PTPN2: variants seen among roughly 807,000 people sequenced by gnomAD.
PTPN2 encodes tyrosine-protein phosphatase non-receptor type 2.
PTPN2 carries 19 observed loss-of-function variants against 57.3 expected under a neutral mutation model. That is an observed-to-expected ratio of 0.33 (90% CI 0.23 to 0.49). The LOEUF (loss-of-function observed/expected upper bound fraction) is 0.49, where lower values mean the gene tolerates loss of function less well. PTPN2 is among the 20% of genes least tolerant of loss of function. The pLI, the probability that PTPN2 is intolerant of heterozygous loss-of-function variation, is 0.99. For synonymous variants in PTPN2, 153 were observed against 164.9 expected (o/e 0.93, Z 0.55); for missense variants, 358 against 501.1 (o/e 0.71, Z 2.73).
At chr18:12,809,394 T>C (rs984112074) in intron 7 of PTPN2, among the ~76,000 whole-genome samples, 10 of 152,158 alleles carry the variant, frequency 6.6e-5, no homozygotes, top group African/African-American at 1.7e-4. Flanking sequence ...GCAGTGACAA[T>C]TGTACATGCC....
intron 4 of PTPN2, among the ~76,000 whole-genome samples, chr18:12,830,184 CTAT>C (rs1196521209): frequency 5.3e-5 from 8 of 151,468 alleles, no homozygotes; most frequent in Non-Finnish European, 1.0e-4. Flanking sequence ...GAGTCTCATT[CTAT>C]CATCCAGGTT....
At chr18:12,825,508 G>A (rs1467227527) in intron 5 of PTPN2, among the ~76,000 whole-genome samples, 5 of 152,058 alleles carry the variant, frequency 3.3e-5, no homozygotes, top group Middle Eastern at 3.2e-3. Context: ...CAGCAGAGCT[G>A]GATCTGAATC....
chr18:12,848,682 C>A (rs1346115208), intron 2 of PTPN2, among the ~76,000 whole-genome samples: 2 of 152,182 alleles, frequency 1.3e-5, no homozygotes, highest in Non-Finnish European at 2.9e-5. Context: ...CCAGCCCCAG[C>A]CCCCATTTGA....
At chr18:12,796,026 C>A (rs1336589696) in intron 8 of PTPN2, among the ~76,000 whole-genome samples, 2 of 151,356 alleles carry the variant, frequency 1.3e-5, no homozygotes, top group Non-Finnish European at 2.9e-5. Context: ...ATTGAGACTA[C>A]CTTTTTCCTG....
At chr18:12,874,203 T>TG (rs2044384051) in intron 1 of PTPN2, among the ~76,000 whole-genome samples, 2 of 127,376 alleles carry the variant, frequency 1.6e-5, no homozygotes, top group Admixed American at 1.5e-4. Flanking sequence ...GGAGGGAGGT[T>TG]GGGGGGTCAG....
At chr18:12,837,824 A>C (rs2042918462) in intron 2 of PTPN2, among the ~76,000 whole-genome samples, 1 of 152,214 alleles carries the variant, frequency 6.6e-6, no homozygotes. Flanking sequence ...GAAAATGTAA[A>C]ATGGCTTTAG....
chr18:12,803,303 A>G (rs1469562922), intron 7 of PTPN2, among the ~76,000 whole-genome samples: 1 of 152,210 alleles, frequency 6.6e-6, no homozygotes, highest in African/African-American at 2.4e-5. Flanking sequence ...CCACAAAGGT[A>G]AACAATAAGA....
At chr18:12,824,001 C>CT (rs2042361007) in intron 5 of PTPN2, among the ~76,000 whole-genome samples, 5 of 152,116 alleles carry the variant, frequency 3.3e-5, no homozygotes, top group Non-Finnish European at 7.3e-5. Context: ...AATTTTAATG[C>CT]CATAAGCAAA....
At chr18:12,796,594 T>C (rs2041199405) in intron 8 of PTPN2, among the ~76,000 whole-genome samples, 2 of 152,312 alleles carry the variant, frequency 1.3e-5, no homozygotes, top group African/African-American at 4.8e-5. Flanking sequence ...AAGTTAAACA[T>C]AGAGTTACCA....
chr18:12,847,779 C>T (rs944493601), intron 2 of PTPN2, among the ~76,000 whole-genome samples: 1 of 151,886 alleles, frequency 6.6e-6, no homozygotes, highest in Non-Finnish European at 1.5e-5. Context: ...CCAGCCACCA[C>T]GCCCAACTAA....
intron 7 of PTPN2, among the ~76,000 whole-genome samples, chr18:12,806,525 C>T (rs567302057): frequency 1.3e-5 from 2 of 152,264 alleles, no homozygotes; most frequent in Non-Finnish European, 2.9e-5. Flanking sequence ...GGGGGCATCA[C>T]ACTACCTGAC....
intron 2 of PTPN2, among the ~76,000 whole-genome samples, chr18:12,848,879 A>G (rs1019175654): frequency 3.9e-5 from 6 of 152,232 alleles, no homozygotes; most frequent in African/African-American, 1.4e-4. Context: ...TTTGGCTATG[A>G]AAGTTCTATA....
At chr18:12,880,343 G>A (rs1433120221) in intron 1 of PTPN2, among the ~76,000 whole-genome samples, 2 of 152,150 alleles carry the variant, frequency 1.3e-5, no homozygotes, top group African/African-American at 4.8e-5. Context: ...CCGGAGGAGG[G>A]GCTGAATTTA....
chr18:12,834,890 C>T (rs1172593574), intron 3 of PTPN2, among the ~76,000 whole-genome samples: 1 of 151,908 alleles, frequency 6.6e-6, no homozygotes, highest in Non-Finnish European at 1.5e-5. Flanking sequence ...AATTAGTTGT[C>T]CCTCAATATA....
intron 2 of PTPN2, chr18:12,843,817 T>C (rs2043128546): frequency 6.6e-6 from 1 of 152,388 alleles, no homozygotes; most frequent in African/African-American, 2.4e-5. Context: ...TATTTTGATT[T>C]CTCCAGTTCT....
chr18:12,824,416 T>G (rs1429136640), intron 5 of PTPN2, among the ~76,000 whole-genome samples: 1 of 152,180 alleles, frequency 6.6e-6, no homozygotes, highest in Non-Finnish European at 1.5e-5. Flanking sequence ...TAAAAGGGAC[T>G]GCCACACATC....
chr18:12,874,609 CA>C, intron 1 of PTPN2, among the ~76,000 whole-genome samples: 1 of 136,322 alleles, frequency 7.3e-6, no homozygotes. Flanking sequence ...CCCGCCCGGC[CA>C]GCCGCCCCGT....
At chr18:12,807,323 C>T (rs1322096853) in intron 7 of PTPN2, among the ~76,000 whole-genome samples, 1 of 151,680 alleles carries the variant, frequency 6.6e-6, no homozygotes, top group Non-Finnish European at 1.5e-5. Flanking sequence ...CTCTTGTACA[C>T]GGCTGGTGGA....
chr18:12,837,006 C>A, intron 2 of PTPN2, 115 bp from the exon 3 acceptor site: 1 of 674,834 alleles, frequency 1.5e-6, no homozygotes, highest in South Asian at 2.0e-5. Flanking sequence ...AATGAATTAG[C>A]ATCATAATAG....
Sources: allele counts gnomAD v4.1 joint callset (sites outside exome capture counted in the v4.1 genomes callset), GRCh38; gene constraint gnomAD v4.1.1; transcripts MANE v1.5; gene names NCBI Gene and HGNC (gene_info 2026-07-23, HGNC 2026-07-21).